CFAP46: variants seen among roughly 807,000 people sequenced by gnomAD.
CFAP46 encodes cilia- and flagella-associated protein 46.
In CFAP46, 245 loss-of-function variants were observed where a neutral mutation model predicts 325.7. That is an observed-to-expected ratio of 0.75 (90% CI 0.68 to 0.84). CFAP46 has a LOEUF of 0.84. Ranked by LOEUF, CFAP46 falls within the 40% of genes least tolerant of loss-of-function variation. CFAP46 has a pLI of 0.00. For synonymous variants in CFAP46, 1,523 were observed against 1,495.9 expected (o/e 1.02, Z -0.42); for missense variants, 3,346 against 3,543.0 (o/e 0.94, Z 1.41).
chr10:132,870,708 A>T (rs975134447), intron 32 of CFAP46, among the ~76,000 whole-genome samples: 6 of 152,218 alleles, frequency 3.9e-5, no homozygotes, highest in African/African-American at 1.4e-4. Flanking sequence ...AGAAGTTTGA[A>T]GCGGCAGAGG....
intron 39 of CFAP46, among the ~76,000 whole-genome samples, chr10:132,853,908 A>G (rs772505632): frequency 5.3e-5 from 8 of 151,910 alleles, no homozygotes; most frequent in Non-Finnish European, 1.0e-4. Flanking sequence ...TTTTTTTCTG[A>G]TCCGTCTGAC....
At chr10:132,881,386 A>G (rs1168307294) in intron 27 of CFAP46, among the ~76,000 whole-genome samples, 1 of 152,144 alleles carries the variant, frequency 6.6e-6, no homozygotes. Context: ...CTCTGTCTGC[A>G]GGTGGCCCTC....
chr10:132,855,076 G>T (rs1848621284), intron 39 of CFAP46, among the ~76,000 whole-genome samples: 1 of 152,192 alleles, frequency 6.6e-6, no homozygotes. Context: ...CTAGTGATTT[G>T]CTGATTTTCT....
intron 4 of CFAP46, 57 bp downstream of exon 4, chr10:132,940,938 TC>T (rs1850088370): frequency 6.5e-7 from 1 of 1,537,726 alleles, no homozygotes; most frequent in African/African-American, 1.4e-5. Flanking sequence ...CTTGATAAGT[TC>T]TGGCTCTGAA....
At chr10:132,820,514 G>C (rs1251404508) in intron 50 of CFAP46, among the ~76,000 whole-genome samples, 1 of 148,552 alleles carries the variant, frequency 6.7e-6, no homozygotes, top group Non-Finnish European at 1.5e-5. Context: ...TGTGCTGTGA[G>C]TGCTGATGTG....
intron 17 of CFAP46, among the ~76,000 whole-genome samples, chr10:132,914,815 C>T (rs569835578): frequency 1.4e-3 from 207 of 151,728 alleles, no homozygotes; most frequent in Non-Finnish European, 2.6e-3. Context: ...CCACACTGCA[C>T]CCCGGCCCGA....
chr10:132,921,965 A>G, intron 13 of CFAP46, 139 bp downstream of exon 13: 1 of 1,131,906 alleles, frequency 8.8e-7, no homozygotes, highest in Non-Finnish European at 1.2e-6. Context: ...CCGAGATCGA[A>G]GGACACTGCC....
At chr10:132,903,696 A>C (rs1478004819) in intron 22 of CFAP46, among the ~76,000 whole-genome samples, 1 of 152,246 alleles carries the variant, frequency 6.6e-6, no homozygotes, top group Non-Finnish European at 1.5e-5. Flanking sequence ...TATGCTTTCA[A>C]GGCCGGAACT....
Position 132,832,588 on chromosome 10 carries a change from T to G in CFAP46, c.7117+770A>C. On this transcript the variant is annotated intron_variant, in intron 50 of 57. Coordinates refer to ENST00000368586, the MANE Select transcript of CFAP46 (RefSeq NM_001200049.3). This position sits in a 1 kb window ranked among gnomAD's most constrained non-coding sequence, Gnocchi z 4.1. ...GAAGAACGAATCTGGTCCCTGTTAC[T>G]TCATCTGAGATGGAAGCAAAAGTCC... 2.8e-6 allele frequency: 1 copy of G among 351,622 alleles called. No individual in the cohort carries two copies. The highest frequency in any genetic ancestry group is 5.8e-6 in the Non-Finnish European group (1 of 171,646). The allele number at this position is 351,622 out of a possible 1,614,324, so 21.8% of individuals were successfully genotyped here.
chr10:132,831,368 C>A (rs990679600), intron 50 of CFAP46, among the ~76,000 whole-genome samples: 1 of 152,064 alleles, frequency 6.6e-6, no homozygotes, highest in African/African-American at 2.4e-5. Context: ...TCCTCGGGTA[C>A]GTCTTGATTG....
At chr10:132,833,332 T>C in intron 50 of CFAP46, 26 bp downstream of exon 50, 4 of 1,591,598 alleles carry the variant, frequency 2.5e-6, no homozygotes, top group South Asian at 2.2e-5. Flanking sequence ...AAATTACACA[T>C]TAAGGTGGCT....
rs549328020 is a variant in CFAP46 at position 132,886,842 on chromosome 10, C to G, written c.3305-883G>C. On this transcript the variant is annotated intron_variant, in intron 25 of 57. Transcript: ENST00000368586. The surrounding 1 kb of genome is among the most constrained non-coding windows in gnomAD (Gnocchi z 5.8). ...GTCTGTGCCTTGTTGCTGCCCCCGA[C>G]CCAACACAGCCATGGCGACTAGAAT... is the stretch of plus-strand genomic sequence containing the variant. Among the ~76,000 whole-genome samples the G allele has an allele frequency of 6.6e-6, 1 of 152,084 alleles. No individual in the cohort carries two copies. The highest frequency in any genetic ancestry group is 1.9e-4 in the East Asian group (1 of 5,164).
Position 132,846,065 on chromosome 10 carries a change from C to T in CFAP46, c.6430G>A (p.Val2144Met), listed in dbSNP as rs371653874. Residue 2144 changes from valine (V) to methionine (M), a missense_variant, in exon 44 of 58, where the codon GTG becomes ATG. Physicochemically the swap from Val to Met is conservative, Grantham distance 21. Transcript: ENST00000368586. ...GARVEQRLAA[V>M]SKAWQNLCVT... ...CATCCGTGCCCGCTTACCTTGGACACGGCGGCCAGCCTCTGCTCCACACGG... is the reference window on the plus strand; with the variant it reads ...CATCCGTGCCCGCTTACCTTGGACATGGCGGCCAGCCTCTGCTCCACACGG... 25 of 1,569,690 alleles carry T rather than the reference C, an allele frequency of 1.6e-5. No individual in the cohort carries two copies. Among genetic ancestry groups the T allele is most frequent in the African/African-American group, 8.1e-5 (6 of 74,326 alleles).
Position 132,881,012 on chromosome 10 carries a change from C to T in CFAP46, c.3648G>A (p.Gln1216=). The T allele has an allele frequency of 6.4e-7, 1 of 1,550,526 alleles. No homozygotes were observed. Residue 1216 remains glutamine (Q), a synonymous_variant, in exon 28 of 58, where the codon CAG becomes CAA. Transcript: ENST00000368586. The part of the protein sequence containing the change: ...QALQKPEMEW[Q]KVEYLMEFGQ... ...CGAACTCCATGAGGTACTCCACCTT[C>T]TGCCACTCCATCTCAGGCTTCTGTG...
intron 38 of CFAP46, among the ~76,000 whole-genome samples, chr10:132,858,332 G>A (rs1321076248): frequency 7.4e-6 from 1 of 134,360 alleles, no homozygotes; most frequent in African/African-American, 2.7e-5. Context: ...GGCTTTGCTG[G>A]GGGTGGCCCC....
chr10:132,907,305 T>A (rs540894428), intron 22 of CFAP46, among the ~76,000 whole-genome samples: 2 of 152,208 alleles, frequency 1.3e-5, no homozygotes, highest in Non-Finnish European at 2.9e-5. Flanking sequence ...TAGCAACAGA[T>A]GGAAAACAGC....
In CFAP46 at chr10:132,899,078, C is replaced by T. The variant is rs777460078; in HGVS notation, c.3100G>A (p.Ala1034Thr). 3.2e-5 allele frequency: 50 copies of T among 1,546,458 alleles called. No individual in the cohort carries two copies. Among genetic ancestry groups the T allele is most frequent in the African/African-American group, 9.6e-5 (7 of 72,934 alleles). Residue 1034 changes from alanine to threonine, a missense_variant, in exon 24 of 58, where the codon GCG becomes ACG. Ala to Thr is a moderately conservative substitution (Grantham distance 58). Transcript: ENST00000368586. ...AGSSALVMLA[A>T]RHYWNAWLPL... ...AGCCAGGCGTTCCAGTAATGCCGCG[C>T]GGCCAGCATCACCAGGGCGCTGCTG...
Position 132,897,352 on chromosome 10 carries a change from A to G in CFAP46, c.3219+1607T>C, listed in dbSNP as rs112849422. Among the ~76,000 whole-genome samples, 7 of 152,376 alleles carry G rather than the reference A, an allele frequency of 4.6e-5. 1 individual carries two copies. Among genetic ancestry groups the G allele is most frequent in the African/African-American group, 1.7e-4 (7 of 41,594 alleles). On this transcript the variant is annotated intron_variant, in intron 24 of 57. Transcript: ENST00000368586. ...GAATGGGAGAAAATACTTGCAAATC[A>G]GGTATCTGCTGAGGGATTAATATGC...
At chr10:132,810,720 C>T in intron 56 of CFAP46, 2 of 726,284 alleles carry the variant, frequency 2.8e-6, no homozygotes, top group South Asian at 1.5e-5. Flanking sequence ...AGCTGTGAGG[C>T]GCTGTGGGGA....
Sources: gnomAD v4.1 joint callset for allele counts (sites outside exome capture counted in the v4.1 genomes callset) on GRCh38, gnomAD v4.1.1 for gene constraint, Gnocchi (gnomAD v3.1) non-coding constraint, MANE v1.5 for transcripts, NCBI Gene and HGNC (gene_info 2026-07-23, HGNC 2026-07-21) for gene names.